Variants in SMIM35 observed in about 807,000 individuals in gnomAD.
SMIM35 encodes small integral membrane protein 35.
intron 1 of SMIM35, among the ~76,000 whole-genome samples, chr11:118,062,106 G>T (rs1028055044): frequency 2.2e-4 from 33 of 152,188 alleles, no homozygotes; most frequent in African/African-American, 7.0e-4. Context: ...AAGGCAGGTG[G>T]ATCACCTGAG....
chr11:118,037,420 GAAGGGGAGAATCCAGGGCATCCATTGGCT>G (rs1943918652), intron 1 of SMIM35, among the ~76,000 whole-genome samples: 1 of 152,200 alleles, frequency 6.6e-6, no homozygotes, highest in Non-Finnish European at 1.5e-5. Flanking sequence ...GAGGTCCTAA[GAAGGGGAGAATCCAGGGCATCCATTGGCT>G]GAGGGGGCCC....
chr11:118,025,733 T>A, intron 1 of SMIM35: 1 of 454,700 alleles, frequency 2.2e-6, no homozygotes, highest in Non-Finnish European at 4.4e-6. Flanking sequence ...TTTCTCCCAT[T>A]CTATAGGTTG....
At chr11:118,033,585 C>T (rs1469166802) in intron 1 of SMIM35, among the ~76,000 whole-genome samples, 2 of 152,062 alleles carry the variant, frequency 1.3e-5, no homozygotes, top group African/African-American at 2.4e-5. Flanking sequence ...AAGTTTAGGG[C>T]AAGGCCTGCA....
Position 118,046,720 on chromosome 11 carries a change from A to G in SMIM35, c.8-30911T>C, listed in dbSNP as rs1013579960. Among the ~76,000 whole-genome samples the G allele has an allele frequency of 1.0e-3, 153 of 152,296 alleles. 1 individual carries two copies. The highest frequency in any genetic ancestry group is 1.9e-4 in the East Asian group (1 of 5,190). ...AAACTCTCCAGAGGTGGGCCCAGGAATTTGTAATTTTCAATAAGCTCCCCA... is the reference window on the plus strand; with the variant it reads ...AAACTCTCCAGAGGTGGGCCCAGGAGTTTGTAATTTTCAATAAGCTCCCCA... On this transcript the variant is annotated intron_variant, in intron 1 of 4. Transcript: ENST00000689828.
At position 118,005,300 on chromosome 11, in the gene SMIM35, T is replaced by A. The variant is rs1433559559; in HGVS notation, c.*1110A>T. 1 of 152,190 alleles carries A rather than the reference T, an allele frequency of 6.6e-6. No individual in the cohort carries two copies. Among genetic ancestry groups the A allele is most frequent in the African/African-American group, 2.4e-5 (1 of 41,430 alleles). The allele number at this position is 152,190 out of a possible 1,614,324, so 9.4% of individuals were successfully genotyped here. ...GCAGGTGATTCCAGCACACACTGAG[T>A]CACCTCTTTAAGGAACAACTTGTTG... On this transcript the variant is annotated 3_prime_UTR_variant, in exon 5 of 5. Transcript: ENST00000689828.
chr11:118,025,367 C>A (rs2058266288), intron 1 of SMIM35: 1 of 363,010 alleles, frequency 2.8e-6, no homozygotes, highest in South Asian at 2.2e-5. Flanking sequence ...AGTGACTGAA[C>A]TTTACATTTT....
At position 118,006,157 on chromosome 11, in the gene SMIM35, C is replaced by T. The variant is rs774919635; in HGVS notation, c.*253G>A. The T allele has an allele frequency of 1.3e-5, 2 of 152,322 alleles. No homozygotes were observed. The highest frequency in any genetic ancestry group is 2.9e-5 in the Non-Finnish European group (2 of 68,094). The allele number at this position is 152,322 out of a possible 1,614,324, so 9.4% of individuals were successfully genotyped here. On this transcript the variant is annotated 3_prime_UTR_variant, in exon 5 of 5. Transcript: ENST00000689828. ...AAAGACTCACTGACTCCACTTCCAACTGCTTCTGCAGCACTGACAGCTCCA... is the reference window on the plus strand; with the variant it reads ...AAAGACTCACTGACTCCACTTCCAATTGCTTCTGCAGCACTGACAGCTCCA...
chr11:118,021,646 T>C (rs2058232150), intron 1 of SMIM35, among the ~76,000 whole-genome samples: 1 of 152,182 alleles, frequency 6.6e-6, no homozygotes, highest in Non-Finnish European at 1.5e-5. Context: ...GAAGTGGCTC[T>C]GTGGATATCA....
Position 118,021,047 on chromosome 11 carries a change from G to GTTTTTTTTTTTTTTTTT in SMIM35, c.8-5239_8-5238insAAAAAAAAAAAAAAAAA, listed in dbSNP as rs367714265. Among the ~76,000 whole-genome samples the GTTTTTTTTTTTTTTTTT allele has an allele frequency of 3.0e-3, 420 of 140,460 alleles. 5 individuals carry two copies. The highest frequency in any genetic ancestry group is 0.01 in the African/African-American group (390 of 37,990). The allele number at this position is 140,460 out of a possible 152,430, so 92.1% of individuals were successfully genotyped here. A position where few individuals can be genotyped will look rare whatever the true frequency, so the allele number is the denominator to read the frequency against. On this transcript the variant is annotated intron_variant, in intron 1 of 4. Transcript: ENST00000689828. ...TTAGTTTCCAAATTCACAGGGTAAGGTTTTTTTTTTTACTATTTATTAAGA... is the reference window on the plus strand; with the variant it reads ...TTAGTTTCCAAATTCACAGGGTAAGGTTTTTTTTTTTTTTTTTTTTTTTTTTTTACTATTTATTAAGA...
At chr11:118,056,568 C>T (rs1300941699) in intron 1 of SMIM35, among the ~76,000 whole-genome samples, 1 of 152,110 alleles carries the variant, frequency 6.6e-6, no homozygotes, top group Non-Finnish European at 1.5e-5. Flanking sequence ...AGGAGGGTCC[C>T]CTGGACCAGA....
intron 1 of SMIM35, among the ~76,000 whole-genome samples, chr11:118,067,744 A>G (rs984026622): frequency 6.6e-6 from 1 of 151,080 alleles, no homozygotes; most frequent in Non-Finnish European, 1.5e-5. Context: ...AGGTGGGAGA[A>G]TCGCTTGAAC....
At chr11:118,066,949 C>T (rs925932223) in intron 1 of SMIM35, among the ~76,000 whole-genome samples, 6 of 152,118 alleles carry the variant, frequency 3.9e-5, no homozygotes, top group African/African-American at 1.2e-4. Context: ...GAGCCCCTTC[C>T]GAATAGGGGA....
chr11:118,010,410 A>G lies in SMIM35; in HGVS notation c.*33+3338T>C, dbSNP rs116324117. On this transcript the variant is annotated intron_variant, in intron 4 of 4. Transcript: ENST00000689828. ...TCCCAGCCTCATCATGATTTTGATC[A>G]ATTTTCTAGGACAAAGCAGCCTTCT... Among the ~76,000 whole-genome samples the G allele has an allele frequency of 4.9e-3, 750 of 152,262 alleles. 2 individuals carry two copies. The highest frequency in any genetic ancestry group is 0.017 in the African/African-American group (704 of 41,548).
At chr11:118,024,485 T>C (rs1472313606) in intron 1 of SMIM35, among the ~76,000 whole-genome samples, 1 of 152,184 alleles carries the variant, frequency 6.6e-6, no homozygotes, top group Non-Finnish European at 1.5e-5. Context: ...TTGTTTTGTT[T>C]TGTTTTTGGC....
At chr11:118,053,533 T>A (rs182911379) in intron 1 of SMIM35, among the ~76,000 whole-genome samples, 3 of 152,116 alleles carry the variant, frequency 2.0e-5, no homozygotes, top group Non-Finnish European at 4.4e-5. Flanking sequence ...CTTATTCAAC[T>A]CCTCCAAACA....
At chr11:118,068,340 C>T (rs1361935220) in intron 1 of SMIM35, among the ~76,000 whole-genome samples, 1 of 152,070 alleles carries the variant, frequency 6.6e-6, no homozygotes, top group South Asian at 2.1e-4. Context: ...GGGAGCCCTC[C>T]GGCTCTGTGT....
chr11:118,071,903 T>C (rs902898621), intron 1 of SMIM35, among the ~76,000 whole-genome samples: 1 of 152,160 alleles, frequency 6.6e-6, no homozygotes, highest in Non-Finnish European at 1.5e-5. Flanking sequence ...TCTAACCAGC[T>C]TCCAGCACTG....
At chr11:118,046,132 G>A (rs930409793) in intron 1 of SMIM35, among the ~76,000 whole-genome samples, 1 of 152,134 alleles carries the variant, frequency 6.6e-6, no homozygotes, top group African/African-American at 2.4e-5. Context: ...AGTAGCCTTT[G>A]TCCTCCTCTG....
chr11:118,061,658 C>T (rs149960710), intron 1 of SMIM35, among the ~76,000 whole-genome samples: 1 of 152,292 alleles, frequency 6.6e-6, no homozygotes, highest in East Asian at 1.9e-4. Context: ...TAAGCAGAAC[C>T]TGCTTATGTT....
Sources: allele counts gnomAD v4.1 joint callset (sites outside exome capture counted in the v4.1 genomes callset), GRCh38; gene constraint gnomAD v4.1.1; transcripts MANE v1.5; gene names NCBI Gene and HGNC (gene_info 2026-07-23, HGNC 2026-07-21).